OSBP2: variants seen among roughly 807,000 people sequenced by gnomAD.
OSBP2 encodes oxysterol binding protein 2.
A neutral mutation model predicts 96.0 loss-of-function variants in OSBP2; 66 were observed. That is an observed-to-expected ratio of 0.69 (90% CI 0.56 to 0.84). The LOEUF (loss-of-function observed/expected upper bound fraction) is 0.84, where lower values mean the gene tolerates loss of function less well. Ranked by LOEUF, OSBP2 falls within the 40% of genes least tolerant of loss-of-function variation. OSBP2 has a pLI of 0.00. For missense variants in OSBP2, 1,038 were observed against 1,222.7 expected (o/e 0.85, Z 2.25); for synonymous variants, 525 against 520.9 (o/e 1.01, Z -0.11).
Position 30,772,793 on chromosome 22 carries a change from A to AT in OSBP2, c.853+31441dup, listed in dbSNP as rs136323. 2.0e-3 allele frequency among the ~76,000 whole-genome samples: 277 copies of AT among 139,344 alleles called. 2 individuals are homozygous for AT. Among genetic ancestry groups the AT allele is most frequent in the Middle Eastern group, 7.4e-3 (2 of 270 alleles). The allele number at this position is 139,344 out of a possible 152,430, so 91.4% of individuals were successfully genotyped here. A position where few individuals can be genotyped will look rare whatever the true frequency, so the allele number is the denominator to read the frequency against. ...GGGAACGGCTGCTCTTGTTAAACGC[A>AT]TTTTTTTTTTTTTTTTTGAGATGGA... On this transcript the variant is annotated intron_variant, in intron 2 of 13. Coordinates refer to ENST00000332585, the MANE Select transcript of OSBP2 (RefSeq NM_030758.4).
At chr22:30,840,452 G>C (rs145293215) in intron 2 of OSBP2, among the ~76,000 whole-genome samples, 1 of 152,240 alleles carries the variant, frequency 6.6e-6, no homozygotes, top group East Asian at 1.9e-4. Context: ...AGATGATGCT[G>C]GTCCAGTGAT....
chr22:30,694,440 C>T, upstream of OSBP2: 1 of 1,391,752 alleles, frequency 7.2e-7, no homozygotes, highest in Non-Finnish European at 9.4e-7. Flanking sequence ...GTACCTGCTT[C>T]CCACCCGGCT....
At chr22:30,726,635 TTAAAG>T (rs1406310818) in intron 1 of OSBP2, among the ~76,000 whole-genome samples, 1 of 152,196 alleles carries the variant, frequency 6.6e-6, no homozygotes, top group Non-Finnish European at 1.5e-5. Flanking sequence ...ATCCCAGAAC[TTAAAG>T]TAAATAATAA....
At chr22:30,714,340 T>C (rs73400354) in intron 1 of OSBP2, among the ~76,000 whole-genome samples, 3,848 of 152,270 alleles carry the variant, frequency 0.025, 189 homozygotes, top group African/African-American at 0.09. Flanking sequence ...ATATCTTGGC[T>C]ATTGTGAATA....
chr22:30,816,970 A>G (rs2091090991), intron 2 of OSBP2, among the ~76,000 whole-genome samples: 1 of 152,130 alleles, frequency 6.6e-6, no homozygotes, highest in South Asian at 2.1e-4. Flanking sequence ...CCTGACCTCA[A>G]GTGGTCCGGC....
Position 30,893,896 on chromosome 22 carries a change from C to T in OSBP2, c.2270C>T (p.Ser757Phe), listed in dbSNP as rs1288266882. The part of the protein sequence containing the change: ...SGSWDEQMEC[S>F]KVMHSSPSSP... ...TCGTGGGATGAACAAATGGAGTGCT[C>T]CAAGGTCATGCATAGCAGTCCCAGC... The change falls in exon 12 of 14, where the codon TCC becomes TTC. Residue 757 changes from serine to phenylalanine, a missense_variant. Ser to Phe is a radical substitution (Grantham distance 155). This residue lies in a region of OSBP2 where 737 missense variants were observed against 913.3 expected (regional missense o/e 0.81). Transcript: ENST00000332585. The T allele has an allele frequency of 1.3e-6, 2 of 1,587,042 alleles. No homozygotes were observed. The highest frequency in any genetic ancestry group is 1.7e-6 in the Non-Finnish European group (2 of 1,166,594).
At chr22:30,807,645 A>G (rs550316398) in intron 2 of OSBP2, among the ~76,000 whole-genome samples, 6 of 152,118 alleles carry the variant, frequency 3.9e-5, no homozygotes, top group Admixed American at 6.5e-5. Flanking sequence ...CTCCCTGGAC[A>G]TGTCCCTTCC....
At chr22:30,715,856 CTTTTTTT>C (rs56747830) in intron 1 of OSBP2, among the ~76,000 whole-genome samples, 4 of 130,292 alleles carry the variant, frequency 3.1e-5, no homozygotes, top group Non-Finnish European at 6.4e-5. Flanking sequence ...CACACCTAAC[CTTTTTTT>C]TTTTTTTTTT....
At chr22:30,904,924 T>G (rs1022822600) in intron 12 of OSBP2, among the ~76,000 whole-genome samples, 4 of 152,124 alleles carry the variant, frequency 2.6e-5, no homozygotes, top group Admixed American at 6.5e-5. Flanking sequence ...CCAATTGAGG[T>G]CAGGGGTTCA....
At chr22:30,900,390 TATA>T (rs1254740417) in intron 12 of OSBP2, among the ~76,000 whole-genome samples, 1 of 152,096 alleles carries the variant, frequency 6.6e-6, no homozygotes, top group African/African-American at 2.4e-5. Context: ...TGGAGAAAGA[TATA>T]ATGTTCACGG....
intron 2 of OSBP2, among the ~76,000 whole-genome samples, chr22:30,754,433 C>G (rs1037324569): frequency 6.6e-6 from 1 of 152,156 alleles, no homozygotes. Flanking sequence ...CAGAGATGAA[C>G]AGGCACAGGC....
At chr22:30,754,640 G>A (rs914265670) in intron 2 of OSBP2, among the ~76,000 whole-genome samples, 4 of 152,072 alleles carry the variant, frequency 2.6e-5, no homozygotes, top group African/African-American at 9.7e-5. Context: ...CATGTCCTTT[G>A]TGTCACCCCC....
intron 2 of OSBP2, among the ~76,000 whole-genome samples, chr22:30,865,199 C>T (rs898236994): frequency 1.3e-5 from 2 of 152,152 alleles, no homozygotes; most frequent in Non-Finnish European, 2.9e-5. Flanking sequence ...GAGGGGGTGC[C>T]CTGTGGCCTC....
At chr22:30,759,293 A>C (rs1194554071) in intron 2 of OSBP2, among the ~76,000 whole-genome samples, 2 of 152,220 alleles carry the variant, frequency 1.3e-5, no homozygotes, top group Non-Finnish European at 2.9e-5. Flanking sequence ...GCTTGCAGTG[A>C]GCCGAGATTG....
Position 30,870,454 on chromosome 22 carries a change from T to C in OSBP2, c.879T>C (p.Ala293=). 1 of 1,613,950 alleles carries C rather than the reference T, an allele frequency of 6.2e-7. No homozygotes were observed. The highest frequency in any genetic ancestry group is 8.5e-7 in the Non-Finnish European group (1 of 1,179,996). The part of the protein sequence containing the change: ...HSDDSGDDDE[A]TTPADKSELH... ...ATGACTCTGGGGACGACGACGAGGC[T>C]ACCACCCCAGCCGACAAGAGCGAGC... is the stretch of plus-strand genomic sequence containing the variant. Residue 293 remains alanine, a synonymous_variant, in exon 3 of 14, where the codon GCT becomes GCC. Transcript: ENST00000332585. The surrounding 1 kb of genome is among the most constrained non-coding windows in gnomAD (Gnocchi z 4.1).
At chr22:30,744,630 G>A (rs34122146) in intron 2 of OSBP2, among the ~76,000 whole-genome samples, 33,546 of 151,972 alleles carry the variant, frequency 0.22, 3,975 homozygotes, top group Non-Finnish European at 0.26. Flanking sequence ...GTGTGGTGGC[G>A]CGTGCCTGTA....
chr22:30,694,244 C>G, upstream of OSBP2: 2 of 1,549,910 alleles, frequency 1.3e-6, no homozygotes, highest in South Asian at 2.4e-5. Context: ...AGCGAAGCGC[C>G]TTGGCATGAA....
chr22:30,795,849 T>A (rs2090753066), intron 2 of OSBP2, among the ~76,000 whole-genome samples: 1 of 152,230 alleles, frequency 6.6e-6, no homozygotes, highest in Non-Finnish European at 1.5e-5. Context: ...AGATATGTTT[T>A]TAAATCTTGG....
chr22:30,902,110 GAA>G (rs60499517), intron 12 of OSBP2: 58 of 204,980 alleles, frequency 2.8e-4, no homozygotes, highest in East Asian at 1.2e-3. Flanking sequence ...AGCAATATAA[GAA>G]AAAAAAAAAA....
Sources: allele counts gnomAD v4.1 joint callset (sites outside exome capture counted in the v4.1 genomes callset), GRCh38; gene constraint gnomAD v4.1.1; regional missense constraint gnomAD v4.1.1; non-coding constraint Gnocchi (gnomAD v3.1); transcripts MANE v1.5; gene names NCBI Gene and HGNC (gene_info 2026-07-23, HGNC 2026-07-21).